Variants in NRXN1 observed in about 807,000 individuals in gnomAD.
NRXN1 encodes the protein neurexin-1.
Under a neutral mutation model 150.9 loss-of-function variants are expected in NRXN1, and 39 were observed. That is an observed-to-expected ratio of 0.26 (90% CI 0.20 to 0.34). NRXN1 has a LOEUF of 0.34. Among genes scored for constraint, NRXN1 ranks in the 10% least tolerant of loss-of-function variants. The probability of loss-of-function intolerance (pLI) is 1.00; values close to 1 mark genes in which losing one functional copy is unlikely to be tolerated. For missense variants in NRXN1, 1,815 were observed against 1,949.9 expected, an observed-to-expected ratio of 0.93 and a Z score of 1.30; for synonymous variants, 924 against 757.0, an observed-to-expected ratio of 1.22 and a Z score of -3.62.
chr2:50,772,118 T>G (rs1188858427), intron 5 of NRXN1, among the ~76,000 whole-genome samples: 1 of 151,828 alleles, frequency 6.6e-6, no homozygotes, highest in Non-Finnish European at 1.5e-5. Flanking sequence ...ATACAGATTT[T>G]CTCCTAATAA....
chr2:49,923,833 G>A (rs1298119206), intron 22 of NRXN1, among the ~76,000 whole-genome samples: 3 of 152,150 alleles, frequency 2.0e-5, no homozygotes, highest in Admixed American at 2.0e-4. Context: ...AATAAGCTAT[G>A]TTCTGGTGCT....
intron 8 of NRXN1, among the ~76,000 whole-genome samples, chr2:50,566,951 G>A (rs1669969593): frequency 6.6e-6 from 1 of 152,164 alleles, no homozygotes; most frequent in African/African-American, 2.4e-5. Context: ...TCGACCAAGT[G>A]CCTCATTAAC....
chr2:51,015,354 G>A (rs1030895472), intron 2 of NRXN1, among the ~76,000 whole-genome samples: 1 of 151,862 alleles, frequency 6.6e-6, no homozygotes, highest in East Asian at 1.9e-4. Context: ...ACCTCCTATG[G>A]GCAGAAGACA....
chr2:50,183,059 T>G (rs1297603833), intron 18 of NRXN1, among the ~76,000 whole-genome samples: 2 of 152,100 alleles, frequency 1.3e-5, no homozygotes, highest in Non-Finnish European at 2.9e-5. Flanking sequence ...GCATTAAGGA[T>G]GCACATCATT....
intron 5 of NRXN1, among the ~76,000 whole-genome samples, chr2:50,910,251 AATTTT>A (rs543495052): frequency 3.9e-5 from 6 of 151,928 alleles, no homozygotes; most frequent in Non-Finnish European, 8.8e-5. Context: ...TTTGAAAATT[AATTTT>A]ATTTGACTCA....
intron 17 of NRXN1, among the ~76,000 whole-genome samples, chr2:50,317,351 A>G (rs2075692317): frequency 6.6e-6 from 1 of 151,996 alleles, no homozygotes. Context: ...AATGCAAGGA[A>G]AGAGATCTTT....
intron 18 of NRXN1, among the ~76,000 whole-genome samples, chr2:50,125,335 T>C (rs935801324): frequency 6.6e-5 from 10 of 151,538 alleles, no homozygotes; most frequent in African/African-American, 2.4e-4. Flanking sequence ...GTTGTTGCTG[T>C]TGTTGTTGTT....
intron 2 of NRXN1, among the ~76,000 whole-genome samples, chr2:51,023,722 C>G (rs1669985185): frequency 2.0e-5 from 3 of 152,090 alleles, no homozygotes; most frequent in Non-Finnish European, 4.4e-5. Context: ...GCCTAGTACT[C>G]TGGTACACAA....
intron 17 of NRXN1, among the ~76,000 whole-genome samples, chr2:50,379,295 C>T (rs1355699589): frequency 6.6e-6 from 1 of 152,082 alleles, no homozygotes; most frequent in Non-Finnish European, 1.5e-5. Context: ...CACTTTGTAT[C>T]CCTGACACAC....
chr2:50,751,936 G>A (rs1286744441), intron 5 of NRXN1, among the ~76,000 whole-genome samples: 2 of 151,888 alleles, frequency 1.3e-5, no homozygotes, highest in Non-Finnish European at 2.9e-5. Flanking sequence ...CTAGCACAGT[G>A]CCTAGTGAAC....
Position 50,579,953 on chromosome 2 carries a change from C to A in NRXN1, c.1321-26928G>T, listed in dbSNP as rs186824892. Reference sequence around the variant, plus strand: ...GGGGGATTCTTCAGAAGAATGTTTTCAAGCAGCAAGGAGATTTTTCTGATT... The same window carrying A: ...GGGGGATTCTTCAGAAGAATGTTTTAAAGCAGCAAGGAGATTTTTCTGATT... On this transcript the variant is annotated intron_variant, in intron 8 of 22. Transcript: ENST00000401669. 1.6e-3 allele frequency among the ~76,000 whole-genome samples: 244 copies of A among 152,270 alleles called. 1 individual carries two copies. Among genetic ancestry groups the A allele is most frequent in the African/African-American group, 5.8e-3 (240 of 41,572 alleles).
In NRXN1 at chr2:50,375,919, T is replaced by G. The variant is rs1243636351; in HGVS notation, c.3364+89523A>C. On this transcript the variant is annotated intron_variant, in intron 17 of 22. Coordinates refer to ENST00000401669, the MANE Select transcript of NRXN1 (RefSeq NM_001330078.2). ...GAAATAAATACAACCCCTTCACAGA[T>G]AATAATAAAGAAATAAGCCAATAAG... is the stretch of plus-strand genomic sequence containing the variant. Among the ~76,000 whole-genome samples, 4 of 151,872 alleles carry G rather than the reference T, an allele frequency of 2.6e-5. No homozygotes were observed. The East Asian group carries it at 7.8e-4, about 29-fold the overall frequency.
intron 5 of NRXN1, among the ~76,000 whole-genome samples, chr2:50,702,011 T>C (rs1209644186): frequency 2.0e-5 from 3 of 152,194 alleles, no homozygotes; most frequent in African/African-American, 7.2e-5. Context: ...TACAAACTAA[T>C]GACTGAAAAT....
chr2:50,751,429 C>CA (rs1364639482), intron 5 of NRXN1, among the ~76,000 whole-genome samples: 1 of 151,964 alleles, frequency 6.6e-6, no homozygotes, highest in Non-Finnish European at 1.5e-5. Context: ...CTGGGGAAAA[C>CA]AAACTTCCAA....
chr2:50,064,660 A>C (rs1357038418), intron 19 of NRXN1, among the ~76,000 whole-genome samples: 1 of 152,186 alleles, frequency 6.6e-6, no homozygotes, highest in African/African-American at 2.4e-5. Context: ...GTTTCTCTTC[A>C]CATCGTATTA....
chr2:50,768,916 A>C (rs1702670660), intron 5 of NRXN1, among the ~76,000 whole-genome samples: 1 of 147,308 alleles, frequency 6.8e-6, no homozygotes, highest in Non-Finnish European at 1.5e-5. Context: ...AACAACAACA[A>C]CACACACACA....
At chr2:50,642,422 G>A (rs961829921) in intron 5 of NRXN1, among the ~76,000 whole-genome samples, 2 of 151,996 alleles carry the variant, frequency 1.3e-5, no homozygotes, top group East Asian at 1.9e-4. Flanking sequence ...ATCCTCCAGA[G>A]TATGATATAA....
chr2:50,278,834 T>C (rs2071019546), intron 17 of NRXN1, among the ~76,000 whole-genome samples: 1 of 152,100 alleles, frequency 6.6e-6, no homozygotes, highest in Non-Finnish European at 1.5e-5. Context: ...AAAAATTATT[T>C]AAACTACAAA....
intron 8 of NRXN1, among the ~76,000 whole-genome samples, chr2:50,567,758 C>G (rs1210810540): frequency 6.6e-6 from 1 of 152,088 alleles, no homozygotes; most frequent in African/African-American, 2.4e-5. Context: ...AAAATTAGAA[C>G]TAGAATGCAC....
Sources: gnomAD v4.1 joint callset for allele counts (sites outside exome capture counted in the v4.1 genomes callset) on GRCh38, gnomAD v4.1.1 for gene constraint, MANE v1.5 for transcripts, NCBI Gene and HGNC (gene_info 2026-07-23, HGNC 2026-07-21) for gene names.